The following ZDHHC17 variants were observed in gnomAD, a reference collection of about 807,000 sequenced individuals.
ZDHHC17 encodes the protein zDHHC palmitoyltransferase 17, also known as palmitoyltransferase ZDHHC17.
A neutral mutation model predicts 90.3 loss-of-function variants in ZDHHC17; 40 were observed. The ratio of observed to expected loss-of-function variants is 0.44; its 90% confidence interval spans 0.34 to 0.58. The LOEUF (loss-of-function observed/expected upper bound fraction) is 0.58, where lower values mean the gene tolerates loss of function less well. Among genes scored for constraint, ZDHHC17 ranks in the 20% least tolerant of loss-of-function variants. ZDHHC17 has a pLI of 0.01. For missense variants in ZDHHC17, 614 were observed against 780.8 expected (o/e 0.79, Z 2.55); for synonymous variants, 235 against 252.4 (o/e 0.93, Z 0.65).
At chr12:76,843,981 T>G (rs1953464616) in intron 12 of ZDHHC17, 5 of 152,168 alleles carry the variant, frequency 3.3e-5, no homozygotes, top group African/African-American at 7.2e-5. Flanking sequence ...CAGATTCTTT[T>G]ATATATTCCG....
chr12:76,773,195 A>C (rs1952517480), intron 1 of ZDHHC17, among the ~76,000 whole-genome samples: 1 of 152,142 alleles, frequency 6.6e-6, no homozygotes, highest in African/African-American at 2.4e-5. Flanking sequence ...TGTGTCCGCC[A>C]TTATGTTGTC....
chr12:76,788,688 ATTTTTTT>A (rs763269507), intron 1 of ZDHHC17, among the ~76,000 whole-genome samples: 42 of 98,666 alleles, frequency 4.3e-4, no homozygotes, highest in Admixed American at 8.0e-4. Flanking sequence ...TGGAATCGCA[ATTTTTTT>A]TTTTTTTTTT....
chr12:76,777,779 G>A (rs1395275308), intron 1 of ZDHHC17, among the ~76,000 whole-genome samples: 1 of 152,150 alleles, frequency 6.6e-6, no homozygotes, highest in Non-Finnish European at 1.5e-5. Context: ...GGCAAGTAGC[G>A]TCACTCTAGG....
At chr12:76,834,656 A>G (rs1047056807) in intron 10 of ZDHHC17, among the ~76,000 whole-genome samples, 1 of 152,002 alleles carries the variant, frequency 6.6e-6, no homozygotes, top group Admixed American at 6.5e-5. Flanking sequence ...TTTTTTTCCC[A>G]CAAGAGTTTC....
At chr12:76,824,592 T>C (rs1489204134) in intron 8 of ZDHHC17, among the ~76,000 whole-genome samples, 1 of 152,154 alleles carries the variant, frequency 6.6e-6, no homozygotes, top group Non-Finnish European at 1.5e-5. Flanking sequence ...GACTCAATAG[T>C]GTTTTATTTT....
At chr12:76,773,457 G>A (rs1952519633) in intron 1 of ZDHHC17, among the ~76,000 whole-genome samples, 2 of 151,836 alleles carry the variant, frequency 1.3e-5, no homozygotes, top group African/African-American at 4.8e-5. Flanking sequence ...TTATTTTCTG[G>A]GTGTATCAAA....
intron 7 of ZDHHC17, chr12:76,821,199 T>C: frequency 8.4e-7 from 1 of 1,193,098 alleles, no homozygotes; most frequent in Non-Finnish European, 1.1e-6. Context: ...AATTAGCTGG[T>C]TCTGACAACT....
intron 1 of ZDHHC17, among the ~76,000 whole-genome samples, chr12:76,783,817 A>G (rs1254922663): frequency 6.6e-6 from 1 of 152,250 alleles, no homozygotes; most frequent in Admixed American, 6.5e-5. Context: ...ACATATATCC[A>G]TATAAGAGGG....
In ZDHHC17 at chr12:76,848,455, A is replaced by G. The variant is rs549177326; in HGVS notation, c.1665+65A>G. On this transcript the variant is annotated intron_variant, in intron 15 of 16. Transcript: ENST00000426126. ...ACTCTTCCATCCTTGCATAAAAGATAATAATATATTCTCTTCCTAACCACT... is the reference window on the plus strand; with the variant it reads ...ACTCTTCCATCCTTGCATAAAAGATGATAATATATTCTCTTCCTAACCACT... 40 of 1,517,602 alleles carry G rather than the reference A, an allele frequency of 2.6e-5. No individual in the cohort carries two copies. In the East Asian group the frequency reaches 9.0e-4, roughly 34 times the overall value. The allele number at this position is 1,517,602 out of a possible 1,614,324, so 94.0% of individuals were successfully genotyped here.
intron 1 of ZDHHC17, among the ~76,000 whole-genome samples, chr12:76,797,046 C>T (rs1952828003): frequency 6.6e-6 from 1 of 151,898 alleles, no homozygotes; most frequent in South Asian, 2.1e-4. Flanking sequence ...GGGCGGATCA[C>T]GAGGTCAGGA....
At chr12:76,807,272 C>A (rs1178695854) in intron 3 of ZDHHC17, among the ~76,000 whole-genome samples, 1 of 152,190 alleles carries the variant, frequency 6.6e-6, no homozygotes, top group Non-Finnish European at 1.5e-5. Context: ...TGCTAAGTAA[C>A]TACTGACTTT....
chr12:76,853,339 G>A lies in ZDHHC17; in HGVS notation c.*2354G>A, dbSNP rs552293985. The A allele has an allele frequency of 6.6e-6, 1 of 152,584 alleles. No individual in the cohort carries two copies. Among genetic ancestry groups the A allele is most frequent in the African/African-American group, 2.4e-5 (1 of 41,506 alleles). 9.5% of individuals were successfully genotyped at this position (152,584 alleles called of 1,614,324 possible). A position where few individuals can be genotyped will look rare whatever the true frequency, so the allele number is the denominator to read the frequency against. ...ACCCAGTTCTAAAGTTGTGTATGATGGTGAACCTTTGGGAATAGTTCTTAT... is the reference window on the plus strand; with the variant it reads ...ACCCAGTTCTAAAGTTGTGTATGATAGTGAACCTTTGGGAATAGTTCTTAT... On this transcript the variant is annotated 3_prime_UTR_variant, in exon 17 of 17. Transcript: ENST00000426126.
intron 5 of ZDHHC17, among the ~76,000 whole-genome samples, chr12:76,811,627 G>C (rs956771860): frequency 6.6e-6 from 1 of 151,600 alleles, no homozygotes; most frequent in Non-Finnish European, 1.5e-5. Flanking sequence ...TTTTTTCCAT[G>C]AGTAAATTTT....
intron 7 of ZDHHC17, among the ~76,000 whole-genome samples, chr12:76,820,901 G>A (rs1477748): frequency 0.61 from 92,317 of 152,006 alleles, 28,101 homozygotes; most frequent in East Asian, 0.67. Flanking sequence ...TGATCAAATA[G>A]ATATAGACTT....
chr12:76,770,536 G>T (rs1012512786), intron 1 of ZDHHC17, among the ~76,000 whole-genome samples: 1 of 152,216 alleles, frequency 6.6e-6, no homozygotes, highest in African/African-American at 2.4e-5. Context: ...GAGTGTGTCT[G>T]TGTGTATTTT....
chr12:76,776,112 T>C (rs1158877562), intron 1 of ZDHHC17, among the ~76,000 whole-genome samples: 1 of 151,524 alleles, frequency 6.6e-6, no homozygotes, highest in East Asian at 1.9e-4. Flanking sequence ...AGGGTACAGG[T>C]GGAAAAAAAA....
chr12:76,830,928 A>G (rs1184196165), intron 10 of ZDHHC17, among the ~76,000 whole-genome samples: 1 of 152,210 alleles, frequency 6.6e-6, no homozygotes. Context: ...ATAGTATAAA[A>G]TAGCTAAAAC....
At position 76,834,232 on chromosome 12, in the gene ZDHHC17, T is replaced by C. The variant is rs151332290; in HGVS notation, c.1141+5742T>C. 1.9e-4 allele frequency among the ~76,000 whole-genome samples: 29 copies of C among 152,330 alleles called. No homozygotes were observed. The East Asian group carries it at 5.6e-3, about 29-fold the overall frequency. On this transcript the variant is annotated intron_variant, in intron 10 of 16. Coordinates refer to ENST00000426126, the MANE Select transcript of ZDHHC17 (RefSeq NM_015336.4). ...TTAAAAATTTTTTCTCTGACTATGCTTCTTTTATTATAATTAAACAAATCT... is the reference window on the plus strand; with the variant it reads ...TTAAAAATTTTTTCTCTGACTATGCCTCTTTTATTATAATTAAACAAATCT...
chr12:76,771,016 T>A (rs948469548), intron 1 of ZDHHC17, among the ~76,000 whole-genome samples: 1 of 152,078 alleles, frequency 6.6e-6, no homozygotes, highest in Non-Finnish European at 1.5e-5. Flanking sequence ...ATTAAGGTTA[T>A]GTAAAATTCT....
Sources: gnomAD v4.1 joint callset for allele counts (sites outside exome capture counted in the v4.1 genomes callset) on GRCh38, gnomAD v4.1.1 for gene constraint, MANE v1.5 for transcripts, NCBI Gene and HGNC (gene_info 2026-07-23, HGNC 2026-07-21) for gene names.